RGS12: variants seen among roughly 807,000 people sequenced by gnomAD.
The protein encoded by RGS12 is regulator of G protein signaling 12.
In RGS12, 66 loss-of-function variants were observed where a neutral mutation model predicts 120.1. That is an observed-to-expected ratio of 0.55 (90% CI 0.45 to 0.67). RGS12 has a LOEUF of 0.67. RGS12 is among the 30% of genes least tolerant of loss of function. The pLI, the probability that RGS12 is intolerant of heterozygous loss-of-function variation, is 0.00. For synonymous variants in RGS12, 827 were observed against 804.7 expected, an observed-to-expected ratio of 1.03 and a Z score of -0.47; for missense variants, 1,859 against 1,957.7, an observed-to-expected ratio of 0.95 and a Z score of 0.95.
intron 4 of RGS12, among the ~76,000 whole-genome samples, chr4:3,409,202 C>T (rs751297585): frequency 6.6e-6 from 1 of 152,172 alleles, no homozygotes; most frequent in Non-Finnish European, 1.5e-5. Context: ...ATGTGGTTTC[C>T]TGTACACAGC....
chr4:3,359,551 A>G (rs543934090), intron 3 of RGS12, among the ~76,000 whole-genome samples: 1 of 141,874 alleles, frequency 7.0e-6, no homozygotes, highest in East Asian at 2.1e-4. Flanking sequence ...TTATCAGGAG[A>G]TTTTTCTTTA....
rs936236719 is a variant in RGS12 at position 3,389,449 on chromosome 4, G to A, written c.2020+3012G>A. On this transcript the variant is annotated intron_variant, in intron 4 of 17. Coordinates refer to ENST00000336727, the MANE Select transcript of RGS12 (RefSeq NM_001394154.1). This position sits in a 1 kb window ranked among gnomAD's most constrained non-coding sequence, Gnocchi z 5.2. ...AGGTCGAGCTGGAGGGAGATGGGGC[G>A]TTGTGAAGAAATGAGAAAAGGAAGA... 2.0e-4 allele frequency among the ~76,000 whole-genome samples: 30 copies of A among 152,182 alleles called. No individual in the cohort carries two copies. Among genetic ancestry groups the A allele is most frequent in the African/African-American group, 6.0e-4 (25 of 41,444 alleles).
chr4:3,394,626 A>T (rs1719864777), intron 4 of RGS12, among the ~76,000 whole-genome samples: 1 of 152,198 alleles, frequency 6.6e-6, no homozygotes, highest in Admixed American at 6.5e-5. Flanking sequence ...CTTCAGATGC[A>T]TTTTTGTTGC....
intron 3 of RGS12, among the ~76,000 whole-genome samples, chr4:3,370,632 T>A (rs1716881843): frequency 6.6e-6 from 1 of 152,280 alleles, no homozygotes; most frequent in Non-Finnish European, 1.5e-5. Context: ...TTTACCGTGG[T>A]AATTCTCATA....
At chr4:3,409,571 C>T (rs190154272) in intron 4 of RGS12, among the ~76,000 whole-genome samples, 93 of 152,252 alleles carry the variant, frequency 6.1e-4, no homozygotes, top group Admixed American at 1.2e-3. Context: ...CTGAGGGAGG[C>T]GGCAAGGCCT....
chr4:3,364,649 G>A (rs748367158), intron 3 of RGS12, among the ~76,000 whole-genome samples: 29 of 152,046 alleles, frequency 1.9e-4, no homozygotes, highest in Non-Finnish European at 5.9e-5. Context: ...AGGGCCTGGG[G>A]CAGCTGGGTG....
intron 1 of RGS12, among the ~76,000 whole-genome samples, chr4:3,303,987 C>A (rs932733430): frequency 1.3e-5 from 2 of 152,206 alleles, no homozygotes; most frequent in Non-Finnish European, 2.9e-5. Context: ...TGAGTGAATT[C>A]TCTTGTAAGC....
upstream of RGS12, among the ~76,000 whole-genome samples, chr4:3,291,071 C>A (rs755525074): frequency 6.6e-6 from 1 of 152,200 alleles, no homozygotes; most frequent in Non-Finnish European, 1.5e-5. Context: ...ATGAGCTGCT[C>A]GTCCTCTTCC....
intron 12 of RGS12, 75 bp from the exon 13 acceptor site, chr4:3,423,440 T>C (rs781038326): frequency 1.0e-5 from 16 of 1,586,276 alleles, no homozygotes; most frequent in Non-Finnish European, 1.3e-5. Context: ...GGCTGTGCTG[T>C]AGTTCTGCTC....
chr4:3,368,935 C>G (rs1012687958), intron 3 of RGS12, among the ~76,000 whole-genome samples: 1 of 152,106 alleles, frequency 6.6e-6, no homozygotes, highest in Non-Finnish European at 1.5e-5. Context: ...GGCCCAGAGC[C>G]CAGGGGAAGT....
At chr4:3,293,010 C>A (rs1045796996), upstream of RGS12, 2 of 148,402 alleles carry the variant, frequency 1.3e-5, no homozygotes, top group Non-Finnish European at 3.0e-5. Context: ...GCCTCGACCC[C>A]GGGGGGCGGT....
rs910592247 is a variant in RGS12, at chr4:3,366,498, C to T, written c.1999-19918C>T. Among the ~76,000 whole-genome samples, 3 of 152,180 alleles carry T rather than the reference C, an allele frequency of 2.0e-5. No individual in the cohort carries two copies. Among genetic ancestry groups the T allele is most frequent in the African/African-American group, 4.8e-5 (2 of 41,434 alleles). ...TCCTCCAGTTCCCGCCTCTCTGCCTCGCACGCCCTCCTAGCTGAGAGTGAG... is the reference window on the plus strand; with the variant it reads ...TCCTCCAGTTCCCGCCTCTCTGCCTTGCACGCCCTCCTAGCTGAGAGTGAG... On this transcript the variant is annotated intron_variant, in intron 3 of 17. Coordinates refer to ENST00000336727, the MANE Select transcript of RGS12 (RefSeq NM_001394154.1). The surrounding 1 kb of genome is among the most constrained non-coding windows in gnomAD (Gnocchi z 4.0).
chr4:3,349,755 A>G (rs917091241), intron 3 of RGS12, among the ~76,000 whole-genome samples: 3 of 152,182 alleles, frequency 2.0e-5, no homozygotes, highest in Non-Finnish European at 4.4e-5. Flanking sequence ...TTCCCGTTAC[A>G]TAATTACTTT....
chr4:3,420,911 G>A (rs963332786), intron 10 of RGS12, among the ~76,000 whole-genome samples, 193 bp downstream of exon 10: 2 of 152,216 alleles, frequency 1.3e-5, no homozygotes, highest in African/African-American at 2.4e-5. Flanking sequence ...ATCAGGCCCC[G>A]GCCTCATGGT....
chr4:3,428,655 C>G lies in RGS12; in HGVS notation c.3509C>G (p.Ser1170Cys). The G allele has an allele frequency of 6.2e-7, 1 of 1,601,512 alleles. No individual in the cohort carries two copies. Among genetic ancestry groups the G allele is most frequent in the South Asian group, 1.1e-5 (1 of 87,818 alleles). The change falls in exon 16 of 18, where the codon TCT becomes TGT. Residue 1170 changes from serine (S) to cysteine (C), a missense_variant. This residue lies in a region of RGS12 where 517 missense variants were observed against 488.5 expected (regional missense o/e 1.06). Transcript: ENST00000336727. ...RDPRLSKREE[S>C]IAKIGKKKYQ... ...CCCCGGCTTTCAAAGAGAGAAGAATCTATTGCAAAGATTGGGAAAAAAAAA... is the reference window on the plus strand; with the variant it reads ...CCCCGGCTTTCAAAGAGAGAAGAATGTATTGCAAAGATTGGGAAAAAAAAA...
At chr4:3,318,182 TCA>T (rs1159773891) in intron 2 of RGS12, 131 bp downstream of exon 2, 1 of 781,312 alleles carries the variant, frequency 1.3e-6, no homozygotes, top group African/African-American at 1.7e-5. Context: ...TCTGTGGCCA[TCA>T]CAGGGTGTCT....
At position 3,390,288 on chromosome 4, in the gene RGS12, A is replaced by G. The variant is rs567664191; in HGVS notation, c.2020+3851A>G. Among the ~76,000 whole-genome samples, 116 of 152,044 alleles carry G rather than the reference A, an allele frequency of 7.6e-4. No homozygotes were observed. Among genetic ancestry groups the G allele is most frequent in the Admixed American group, 1.3e-3 (20 of 15,286 alleles). On this transcript the variant is annotated intron_variant, in intron 4 of 17. Transcript: ENST00000336727. This position sits in a 1 kb window ranked among gnomAD's most constrained non-coding sequence, Gnocchi z 4.6. ...GCAGCTTCCATCATTTTAATTATTC[A>G]TCTGTGTTGGTGCTTTTGTCCCCCC...
chr4:3,371,787 T>TA (rs1267485447), intron 3 of RGS12, among the ~76,000 whole-genome samples: 2 of 152,096 alleles, frequency 1.3e-5, no homozygotes, highest in Admixed American at 6.5e-5. Flanking sequence ...GTAGTTGTTC[T>TA]AAAAAATGGG....
rs1714200728 is a variant in RGS12, at chr4:3,349,903, A to G, written c.1998+6850A>G. 2.6e-5 allele frequency among the ~76,000 whole-genome samples: 4 copies of G among 152,210 alleles called. No individual in the cohort carries two copies. In the South Asian group the frequency reaches 8.3e-4, roughly 32 times the overall value. ...ATGACTTAGACATTTTATGAGTATCATTTAATTTAACATAGCATAACTTTA... is the reference window on the plus strand; with the variant it reads ...ATGACTTAGACATTTTATGAGTATCGTTTAATTTAACATAGCATAACTTTA... On this transcript the variant is annotated intron_variant, in intron 3 of 17. Coordinates refer to ENST00000336727, the MANE Select transcript of RGS12 (RefSeq NM_001394154.1).
Sources: allele counts gnomAD v4.1 joint callset (sites outside exome capture counted in the v4.1 genomes callset), GRCh38; gene constraint gnomAD v4.1.1; regional missense constraint gnomAD v4.1.1; non-coding constraint Gnocchi (gnomAD v3.1); transcripts MANE v1.5; gene names NCBI Gene and HGNC (gene_info 2026-07-23, HGNC 2026-07-21).